Variants in RAB19 observed in about 807,000 individuals in gnomAD.
The protein encoded by RAB19 is RAB19, member RAS oncogene family.
In RAB19, 21 loss-of-function variants were observed where a neutral mutation model predicts 17.3. The ratio of observed to expected loss-of-function variants is 1.21; its 90% CI spans 0.86 to 1.74. The LOEUF (loss-of-function observed/expected upper bound fraction) is 1.74. Ranked by LOEUF, RAB19 falls within the 40% of genes most tolerant of loss-of-function variation. The pLI is 0.00. For synonymous variants in RAB19, 126 were observed against 110.4 expected (o/e 1.14, Z -0.88); for missense variants, 277 against 286.8 (o/e 0.97, Z 0.25).
chr7:140,411,202 A>T lies in RAB19; in HGVS notation c.202-672A>T, dbSNP rs186955815. 1,714 of 1,087,150 alleles carry T rather than the reference A, an allele frequency of 1.6e-3. 24 individuals are homozygous for T. In the African/African-American group the frequency reaches 0.026, roughly 16 times the overall value. The allele number at this position is 1,087,150 out of a possible 1,614,324, so 67.3% of individuals were successfully genotyped here. A position where few individuals can be genotyped will look rare whatever the true frequency, so the allele number is the denominator to read the frequency against. On this transcript the variant is annotated intron_variant, in intron 2 of 3. Transcript: ENST00000537763. The stretch of plus-strand genomic sequence containing the variant: ...ATCACAAGGTCAGGAGATCGAGACC[A>T]TCCTGGCTAACACGGTGAAACCCCG...
At chr7:140,424,603 CTCTCTCTCTCTCTCTCTATA>C (rs1185255163) in intron 3 of RAB19, among the ~76,000 whole-genome samples, 5 of 103,766 alleles carry the variant, frequency 4.8e-5, no homozygotes, top group Non-Finnish European at 1.0e-4. Context: ...CTCTCTCTCT[CTCTCTCTCTCTCTCTCTATA>C]TATATATATA....
At chr7:140,424,663 G>GTGTATA (rs375620703) in intron 3 of RAB19, among the ~76,000 whole-genome samples, 11 of 117,728 alleles carry the variant, frequency 9.3e-5, no homozygotes, top group African/African-American at 3.2e-4. Flanking sequence ...ATATGTGTGT[G>GTGTATA]TATATATATA....
intron 3 of RAB19, among the ~76,000 whole-genome samples, chr7:140,418,243 A>G (rs895818844): frequency 1.3e-5 from 2 of 151,980 alleles, no homozygotes; most frequent in South Asian, 4.2e-4. Context: ...CTGAGCAAAC[A>G]CCAGCTGGGT....
intron 3 of RAB19, among the ~76,000 whole-genome samples, chr7:140,422,047 A>C (rs575018775): frequency 1.2e-4 from 18 of 152,090 alleles, no homozygotes; most frequent in Admixed American, 2.6e-4. Context: ...TATGGGTCCA[A>C]AATTTTTCTG....
intron 3 of RAB19, among the ~76,000 whole-genome samples, chr7:140,422,320 TGG>T (rs1395270268): frequency 6.6e-6 from 1 of 151,642 alleles, no homozygotes; most frequent in Admixed American, 6.6e-5. Context: ...ACCTGGGAAG[TGG>T]GGGTTGCAGT....
In RAB19 at chr7:140,420,184, G is replaced by A. The variant is rs927415927; in HGVS notation, c.386-5698G>A. 3.9e-5 allele frequency among the ~76,000 whole-genome samples: 6 copies of A among 152,202 alleles called. No individual in the cohort carries two copies. In the East Asian group the frequency reaches 1.2e-3, roughly 29 times the overall value. On this transcript the variant is annotated intron_variant, in intron 3 of 3. Coordinates refer to ENST00000537763, the MANE Select transcript of RAB19 (RefSeq NM_001008749.3). ...GCCTGTAATCCCAGCACTTTGGGAG[G>A]CCGAGGCAGGTGGATCACCTGAGGT...
intron 3 of RAB19, among the ~76,000 whole-genome samples, chr7:140,425,340 C>A (rs1799643536): frequency 6.6e-6 from 1 of 151,926 alleles, no homozygotes; most frequent in Non-Finnish European, 1.5e-5. Context: ...TCCAATCCAG[C>A]AAATCCTGAT....
In RAB19 at chr7:140,412,016, T is replaced by C. The variant is rs1294424120; in HGVS notation, c.344T>C (p.Ile115Thr). The C allele has an allele frequency of 1.9e-6, 3 of 1,613,642 alleles. No homozygotes were observed. The change falls in exon 3 of 4, where the codon ATA (isoleucine) becomes ACA (threonine). Residue 115 changes from isoleucine to threonine, a missense_variant. Transcript: ENST00000537763. Reference protein sequence around the residue: ...FESIPHWIHEIEKYGAANVVI... With the variant: ...FESIPHWIHETEKYGAANVVI... ...TCCATCCCTCACTGGATTCATGAGA[T>C]AGAGAAATATGGAGCTGCAAATGTG...
At chr7:140,405,057 C>A (rs1006663607) in intron 1 of RAB19, among the ~76,000 whole-genome samples, 1 of 152,004 alleles carries the variant, frequency 6.6e-6, no homozygotes, top group Non-Finnish European at 1.5e-5. Context: ...ACATTTAAGC[C>A]AGGGATGCTG....
rs1358728095 is a variant in RAB19 at position 140,405,135 on chromosome 7, GA to G, written c.-24+920del. On this transcript the variant is annotated intron_variant, in intron 1 of 3. Coordinates refer to ENST00000537763, the MANE Select transcript of RAB19 (RefSeq NM_001008749.3). The stretch of plus-strand genomic sequence containing the variant: ...GTTTTCCAAACCTGGCTCATCATCA[GA>G]ATCACCTGGGGAAGAGACAGAGCAA... Among the ~76,000 whole-genome samples the G allele has an allele frequency of 2.0e-5, 3 of 151,700 alleles. No homozygotes were observed. In the East Asian group the frequency reaches 5.8e-4, roughly 30 times the overall value.
rs1019912635 is a variant in RAB19 at position 140,427,566 on chromosome 7, C to T, written c.*1416C>T. On this transcript the variant is annotated 3_prime_UTR_variant, in exon 4 of 4. Transcript: ENST00000537763. Reference sequence around the variant, plus strand: ...TTCCAGATTCAAGTGATTCTCCTGCCTCAACCTCCCTAGTAGCTGGGATTA... The same window carrying T: ...TTCCAGATTCAAGTGATTCTCCTGCTTCAACCTCCCTAGTAGCTGGGATTA... 2.6e-5 allele frequency among the ~76,000 whole-genome samples: 4 copies of T among 151,180 alleles called. No individual in the cohort carries two copies. Among genetic ancestry groups the T allele is most frequent in the African/African-American group, 4.9e-5 (2 of 41,032 alleles).
At chr7:140,415,058 T>G (rs776009123) in intron 3 of RAB19, among the ~76,000 whole-genome samples, 8 of 151,530 alleles carry the variant, frequency 5.3e-5, no homozygotes, top group Admixed American at 1.3e-4. Flanking sequence ...CCTGACCTCT[T>G]TTTTTTTCTT....
chr7:140,424,527 A>G (rs1799618026), intron 3 of RAB19, among the ~76,000 whole-genome samples: 1 of 151,600 alleles, frequency 6.6e-6, no homozygotes, highest in Non-Finnish European at 1.5e-5. Flanking sequence ...ATAATGTGCT[A>G]TAGTTATACA....
At chr7:140,420,715 G>A (rs1333257118) in intron 3 of RAB19, among the ~76,000 whole-genome samples, 1 of 152,002 alleles carries the variant, frequency 6.6e-6, no homozygotes, top group Non-Finnish European at 1.5e-5. Flanking sequence ...GCTGCACTAG[G>A]GTCCTGTTGG....
intron 3 of RAB19, among the ~76,000 whole-genome samples, chr7:140,424,311 C>A (rs1799613255): frequency 6.6e-6 from 1 of 151,710 alleles, no homozygotes; most frequent in Non-Finnish European, 1.5e-5. Context: ...GCATGCACCA[C>A]CACACCCAGC....
intron 3 of RAB19, among the ~76,000 whole-genome samples, chr7:140,412,313 G>T (rs767473830): frequency 1.3e-5 from 2 of 151,846 alleles, no homozygotes; most frequent in East Asian, 3.9e-4. Context: ...TTAGACAGGC[G>T]TAGTGGTGGG....
intron 3 of RAB19, among the ~76,000 whole-genome samples, chr7:140,415,582 T>C (rs932928959): frequency 6.6e-6 from 1 of 152,210 alleles, no homozygotes; most frequent in African/African-American, 2.4e-5. Context: ...CAGCAGGGTC[T>C]GGGCCAATGC....
At chr7:140,415,820 G>C (rs965760352) in intron 3 of RAB19, among the ~76,000 whole-genome samples, 5 of 151,768 alleles carry the variant, frequency 3.3e-5, no homozygotes. Flanking sequence ...CAGGAGACTT[G>C]CTTGAACCCG....
At chr7:140,409,313 G>A (rs1280113772) in intron 2 of RAB19, among the ~76,000 whole-genome samples, 4 of 151,994 alleles carry the variant, frequency 2.6e-5, no homozygotes, top group Non-Finnish European at 5.9e-5. Flanking sequence ...ACAGTGAGCC[G>A]AGATCATATC....
Sources: allele counts gnomAD v4.1 joint callset (sites outside exome capture counted in the v4.1 genomes callset), GRCh38; gene constraint gnomAD v4.1.1; transcripts MANE v1.5; gene names NCBI Gene and HGNC (gene_info 2026-07-23, HGNC 2026-07-21).